The following HUNK variants were observed in gnomAD, a reference collection of about 807,000 sequenced individuals.
The protein encoded by HUNK is hormonally up-regulated Neu-associated kinase.
Under a neutral mutation model 61.0 loss-of-function variants are expected in HUNK, and 21 were observed. That is an observed-to-expected ratio of 0.34 (90% CI 0.24 to 0.50). The LOEUF (loss-of-function observed/expected upper bound fraction) is 0.50. Ranked by LOEUF, HUNK falls within the 20% of genes least tolerant of loss-of-function variation. The pLI is 0.98. For missense variants in HUNK, 772 were observed against 945.7 expected, an observed-to-expected ratio of 0.82 and a Z score of 2.41; for synonymous variants, 371 against 386.1, an observed-to-expected ratio of 0.96 and a Z score of 0.46.
rs1288850357 is a variant in HUNK at position 32,003,270 on chromosome 21, C to CA, written c.*4087dup. On this transcript the variant is annotated 3_prime_UTR_variant, in exon 11 of 11. Transcript: ENST00000270112. ...TGAACCTTATGCTGTTTGTCCCATC[C>CA]ACTCTTGAAGCTGGGGAAAGACAGC... 4 of 152,180 alleles carry CA rather than the reference C, an allele frequency of 2.6e-5. No individual in the cohort carries two copies. The highest frequency in any genetic ancestry group is 9.7e-5 in the African/African-American group (4 of 41,442). 9.4% of individuals were successfully genotyped at this position (152,180 alleles called of 1,614,324 possible).
intron 1 of HUNK, among the ~76,000 whole-genome samples, chr21:31,878,275 A>AG (rs1269875717): frequency 1.3e-5 from 2 of 151,124 alleles, no homozygotes; most frequent in African/African-American, 4.9e-5. Flanking sequence ...AAAAAAAAAA[A>AG]AAAGAGTTTA....
chr21:31,958,990 A>C lies in HUNK; in HGVS notation c.874+20A>C, dbSNP rs1307657535. ...CCACAGGTAATGCACCAGCTGCTCT[A>C]GATCACGGTTCAGGACTGCTGTCGT... On this transcript the variant is annotated intron_variant, in intron 5 of 10. Transcript: ENST00000270112. The C allele has an allele frequency of 6.3e-7, 1 of 1,584,854 alleles. No homozygotes were observed. The highest frequency in any genetic ancestry group is 8.6e-7 in the Non-Finnish European group (1 of 1,167,782).
At chr21:31,885,920 A>G (rs2052342502) in intron 1 of HUNK, among the ~76,000 whole-genome samples, 1 of 152,072 alleles carries the variant, frequency 6.6e-6, no homozygotes, top group African/African-American at 2.4e-5. Context: ...TTTTTAGTAA[A>G]GACCATTTCA....
chr21:31,958,547 T>C (rs573518964), intron 4 of HUNK, among the ~76,000 whole-genome samples: 1 of 152,156 alleles, frequency 6.6e-6, no homozygotes, highest in African/African-American at 2.4e-5. Context: ...GAGATAGTGG[T>C]CCAGGCTGAT....
rs2052533186 is a variant in HUNK at position 31,909,775 on chromosome 21, C to G, written c.262-14693C>G. On this transcript the variant is annotated intron_variant, in intron 1 of 10. Transcript: ENST00000270112. ...GCCAGCAAAGGCTATTTTCTGCTTT[C>G]TGTTAAATAAGTATTGTCCACACAG... 2.0e-5 allele frequency among the ~76,000 whole-genome samples: 3 copies of G among 152,226 alleles called. 1 individual carries two copies. The South Asian group carries it at 6.2e-4, about 32-fold the overall frequency.
intron 5 of HUNK, among the ~76,000 whole-genome samples, chr21:31,963,790 C>T (rs1221481909): frequency 2.0e-5 from 3 of 147,842 alleles, no homozygotes; most frequent in Non-Finnish European, 3.0e-5. Flanking sequence ...GGTACTGCAC[C>T]TGGCCCTGTC....
intron 1 of HUNK, among the ~76,000 whole-genome samples, chr21:31,923,254 G>A (rs2052635010): frequency 1.3e-5 from 2 of 152,058 alleles, no homozygotes; most frequent in Non-Finnish European, 2.9e-5. Context: ...ACCAGCCTGG[G>A]CCACATGGGG....
intron 4 of HUNK, among the ~76,000 whole-genome samples, chr21:31,947,446 C>T (rs1183916337): frequency 6.6e-6 from 1 of 152,256 alleles, no homozygotes; most frequent in Non-Finnish European, 1.5e-5. Flanking sequence ...GAGCTCCCTG[C>T]CAGGGAGTCC....
chr21:31,996,020 G>C, intron 10 of HUNK, 72 bp downstream of exon 10: 1 of 1,180,236 alleles, frequency 8.5e-7, no homozygotes. Context: ...CCCTCACAGG[G>C]GATGGTCGAA....
rs184471524 is a variant in HUNK at position 31,929,394 on chromosome 21, T to C, written c.554+4634T>C. On this transcript the variant is annotated intron_variant, in intron 2 of 10. Coordinates refer to ENST00000270112, the MANE Select transcript of HUNK (RefSeq NM_014586.2). ...TACAAAGGTAGAGTGTGTTCTAACT[T>C]CTTTATTATTCTATTTTAGAATTGT... Among the ~76,000 whole-genome samples, 68 of 152,284 alleles carry C rather than the reference T, an allele frequency of 4.5e-4. 1 individual carries two copies. The highest frequency in any genetic ancestry group is 4.1e-3 in the Admixed American group (62 of 15,288).
intron 6 of HUNK, among the ~76,000 whole-genome samples, chr21:31,972,207 G>T (rs891898735): frequency 6.6e-6 from 1 of 152,108 alleles, no homozygotes; most frequent in Non-Finnish European, 1.5e-5. Flanking sequence ...CTGGTGGGAG[G>T]GGAGGAGGTC....
At chr21:31,880,596 A>T (rs1174362438) in intron 1 of HUNK, among the ~76,000 whole-genome samples, 1 of 152,110 alleles carries the variant, frequency 6.6e-6, no homozygotes, top group African/African-American at 2.4e-5. Context: ...GTCTCTTTAT[A>T]AGGACACCAG....
chr21:31,880,406 A>G (rs886666113), intron 1 of HUNK, among the ~76,000 whole-genome samples: 4 of 152,168 alleles, frequency 2.6e-5, no homozygotes, highest in African/African-American at 9.7e-5. Context: ...AGGTGTTGGC[A>G]GGGCCATGCT....
chr21:31,987,626 T>C (rs541390231), intron 8 of HUNK, among the ~76,000 whole-genome samples: 1 of 152,364 alleles, frequency 6.6e-6, no homozygotes, highest in South Asian at 2.1e-4. Flanking sequence ...ATGGTTAGGA[T>C]TTAAATAGGA....
intron 1 of HUNK, among the ~76,000 whole-genome samples, chr21:31,910,399 T>A (rs557596450): frequency 4.6e-5 from 7 of 152,290 alleles, no homozygotes; most frequent in African/African-American, 1.4e-4. Context: ...ATCACCCTCA[T>A]GTCCTCATTT....
chr21:31,898,902 G>A (rs1474036690), intron 1 of HUNK, among the ~76,000 whole-genome samples: 2 of 152,182 alleles, frequency 1.3e-5, no homozygotes, highest in Non-Finnish European at 2.9e-5. Context: ...TAAATAGTTT[G>A]TTAGGCTCCT....
chr21:31,920,149 C>T (rs548580187), intron 1 of HUNK, among the ~76,000 whole-genome samples: 61 of 152,326 alleles, frequency 4.0e-4, no homozygotes, highest in South Asian at 1.2e-3. Context: ...TGCCTCCTTC[C>T]TCCTGTGGCT....
chr21:31,947,301 G>A (rs1439408386), intron 4 of HUNK, among the ~76,000 whole-genome samples: 4 of 141,262 alleles, frequency 2.8e-5, no homozygotes, highest in Non-Finnish European at 6.1e-5. Context: ...AGCCAGTGGC[G>A]CCTGCGCATT....
At chr21:31,914,067 G>A (rs1241501420) in intron 1 of HUNK, among the ~76,000 whole-genome samples, 3 of 152,104 alleles carry the variant, frequency 2.0e-5, no homozygotes, top group Non-Finnish European at 2.9e-5. Context: ...TTGCTGTGAC[G>A]TCCCCAGACT....
Sources: gnomAD v4.1 joint callset for allele counts (sites outside exome capture counted in the v4.1 genomes callset) on GRCh38, gnomAD v4.1.1 for gene constraint, MANE v1.5 for transcripts, NCBI Gene and HGNC (gene_info 2026-07-23, HGNC 2026-07-21) for gene names.